Variants in DOCK3 observed in about 807,000 individuals in gnomAD.
DOCK3 encodes the protein dedicator of cytokinesis 3.
DOCK3 carries 60 observed loss-of-function variants against 265.6 expected under a neutral mutation model. The ratio of observed to expected loss-of-function variants is 0.23; its 90% CI spans 0.18 to 0.28. The LOEUF (loss-of-function observed/expected upper bound fraction) is 0.28. DOCK3 is among the 10% of genes least tolerant of loss of function. DOCK3 has a pLI of 1.00. For synonymous variants in DOCK3, 881 were observed against 938.0 expected (o/e 0.94, Z 1.11); for missense variants, 1,981 against 2,594.3 (o/e 0.76, Z 5.14).
At chr3:50,978,219 T>G (rs951886629) in intron 5 of DOCK3, among the ~76,000 whole-genome samples, 1 of 149,284 alleles carries the variant, frequency 6.7e-6, no homozygotes, top group Admixed American at 6.7e-5. Flanking sequence ...GGAGAGGTGC[T>G]CTGCTTTTTA....
intron 9 of DOCK3, among the ~76,000 whole-genome samples, chr3:51,095,937 A>G (rs919668464): frequency 3.7e-5 from 5 of 134,594 alleles, no homozygotes; most frequent in Admixed American, 8.3e-5. Flanking sequence ...AATGTTGACT[A>G]TTGGCCCCCA....
At chr3:51,015,549 T>C (rs1020933905) in intron 5 of DOCK3, among the ~76,000 whole-genome samples, 2 of 138,034 alleles carry the variant, frequency 1.4e-5, no homozygotes, top group African/African-American at 5.6e-5. Context: ...GTTGAGGATT[T>C]TTGTGTCAAT....
At chr3:50,758,862 T>C (rs529394055) in intron 1 of DOCK3, among the ~76,000 whole-genome samples, 3 of 152,352 alleles carry the variant, frequency 2.0e-5, no homozygotes, top group East Asian at 1.9e-4. Flanking sequence ...AGTGGAATCA[T>C]ATAAAATTTT....
rs537302879 is a variant in DOCK3 at position 50,797,813 on chromosome 3, A to T, written c.121+19055A>T. 3.3e-5 allele frequency among the ~76,000 whole-genome samples: 5 copies of T among 152,224 alleles called. No homozygotes were observed. The South Asian group carries it at 1.0e-3, about 32-fold the overall frequency. On this transcript the variant is annotated intron_variant, in intron 2 of 52. Coordinates refer to ENST00000266037, the MANE Select transcript of DOCK3 (RefSeq NM_004947.5). ...TTTTTCATACATTTATTGGCCATTT[A>T]TATGTCTTTTTTGAGAATGTTCAGA...
At chr3:51,120,555 C>G (rs1576150557) in intron 9 of DOCK3, among the ~76,000 whole-genome samples, 1 of 152,324 alleles carries the variant, frequency 6.6e-6, no homozygotes, top group African/African-American at 2.4e-5. Flanking sequence ...TCTGCTGAAG[C>G]TGCGCCCACA....
chr3:51,352,330 G>A (rs1489043220), intron 40 of DOCK3, among the ~76,000 whole-genome samples: 1 of 152,066 alleles, frequency 6.6e-6, no homozygotes, highest in Non-Finnish European at 1.5e-5. Flanking sequence ...TCAGGCCCTG[G>A]TATCCCCTGT....
chr3:50,724,993 A>C (rs1576243335), intron 1 of DOCK3, among the ~76,000 whole-genome samples: 1 of 1,942 alleles, frequency 5.1e-4, no homozygotes, highest in Non-Finnish European at 8.8e-4. Flanking sequence ...TTCTGTCTCA[A>C]AAAAAAAAAA....
chr3:50,702,347 G>T (rs1576157945), intron 1 of DOCK3, among the ~76,000 whole-genome samples: 1 of 151,804 alleles, frequency 6.6e-6, no homozygotes, highest in Non-Finnish European at 1.5e-5. Flanking sequence ...TTCATTAGTG[G>T]CATATAGAAA....
At chr3:50,998,382 A>C (rs751726979) in intron 5 of DOCK3, among the ~76,000 whole-genome samples, 2 of 152,214 alleles carry the variant, frequency 1.3e-5, no homozygotes, top group Middle Eastern at 3.2e-3. Flanking sequence ...GATTTGTTTA[A>C]GAAAAAACAA....
At chr3:51,200,155 C>T (rs532815492) in intron 12 of DOCK3, among the ~76,000 whole-genome samples, 8 of 152,186 alleles carry the variant, frequency 5.3e-5, no homozygotes, top group African/African-American at 1.9e-4. Flanking sequence ...ATCGCAGTTC[C>T]TCACCAACAA....
rs2083093880 is a variant in DOCK3, at chr3:51,312,076, T to C, written c.3090T>C (p.Phe1030=). ...ATTTCACAGAGACTGACTTTGACTTTAAGGTAGGCACTCCTGAAATATCCA... is the reference window on the plus strand; with the variant it reads ...ATTTCACAGAGACTGACTTTGACTTCAAGGTAGGCACTCCTGAAATATCCA... The part of the protein sequence containing the change: ...HKNFTETDFD[F]KVWNSYFSLA... The change falls in exon 29 of 53, where the codon TTT becomes TTC. Residue 1030 remains phenylalanine, a synonymous_variant. Coordinates refer to ENST00000266037, the MANE Select transcript of DOCK3 (RefSeq NM_004947.5). 1 of 1,600,750 alleles carries C rather than the reference T, an allele frequency of 6.2e-7. No individual in the cohort carries two copies. Among genetic ancestry groups the C allele is most frequent in the African/African-American group, 1.3e-5 (1 of 74,766 alleles).
chr3:50,996,708 G>A (rs1234654686), intron 5 of DOCK3, among the ~76,000 whole-genome samples: 1 of 152,152 alleles, frequency 6.6e-6, no homozygotes, highest in Non-Finnish European at 1.5e-5. Context: ...AAGAGGAAAT[G>A]AGTAGTGCAT....
At chr3:51,063,199 A>G (rs2081479425) in intron 5 of DOCK3, among the ~76,000 whole-genome samples, 4 of 151,294 alleles carry the variant, frequency 2.6e-5, no homozygotes, top group African/African-American at 7.3e-5. Context: ...CCTGGGCAAC[A>G]TATCAAGACT....
At chr3:50,836,970 A>G (rs994667227) in intron 2 of DOCK3, among the ~76,000 whole-genome samples, 4 of 152,126 alleles carry the variant, frequency 2.6e-5, no homozygotes, top group Non-Finnish European at 5.9e-5. Flanking sequence ...CCAATTCCCA[A>G]CAAGTTCCCC....
chr3:50,889,068 T>TGGGG (rs1412243151), intron 3 of DOCK3, among the ~76,000 whole-genome samples: 1 of 41,208 alleles, frequency 2.4e-5, no homozygotes, highest in Non-Finnish European at 6.5e-5. Flanking sequence ...AAGCCATGGG[T>TGGGG]GTGTGTGTGT....
chr3:51,003,961 T>C (rs1396944747), intron 5 of DOCK3, among the ~76,000 whole-genome samples: 2 of 152,116 alleles, frequency 1.3e-5, no homozygotes, highest in Non-Finnish European at 2.9e-5. Flanking sequence ...ATTTTAAATA[T>C]GTACGTAGCT....
intron 27 of DOCK3, among the ~76,000 whole-genome samples, chr3:51,293,319 C>T (rs2081893354): frequency 6.6e-6 from 1 of 152,100 alleles, no homozygotes; most frequent in South Asian, 2.1e-4. Flanking sequence ...CAGAAATAAA[C>T]CCACACATCT....
chr3:51,036,051 G>C (rs1230668032), intron 5 of DOCK3, among the ~76,000 whole-genome samples: 2 of 152,126 alleles, frequency 1.3e-5, no homozygotes, highest in African/African-American at 2.4e-5. Context: ...GATGTCCTTA[G>C]GGCAAAGTAT....
chr3:50,782,936 A>G (rs746894092), intron 2 of DOCK3, among the ~76,000 whole-genome samples: 14 of 149,184 alleles, frequency 9.4e-5, no homozygotes, highest in Non-Finnish European at 1.3e-4. Context: ...ATGGTCTCCA[A>G]TTCCATCCAG....
Sources: allele counts gnomAD v4.1 joint callset (sites outside exome capture counted in the v4.1 genomes callset), GRCh38; gene constraint gnomAD v4.1.1; transcripts MANE v1.5; gene names NCBI Gene and HGNC (gene_info 2026-07-23, HGNC 2026-07-21).